Variants in ERP27 observed in about 807,000 individuals in gnomAD.
ERP27 encodes endoplasmic reticulum protein 27.
ERP27 carries 23 observed loss-of-function variants against 27.7 expected under a neutral mutation model. The observed-to-expected ratio is 0.83, with a 90% CI of 0.60 to 1.18. The LOEUF (loss-of-function observed/expected upper bound fraction) is 1.18, where lower values mean the gene tolerates loss of function less well. Ranked by LOEUF, ERP27 falls within the 50% of genes most tolerant of loss-of-function variation. The pLI, the probability that ERP27 is intolerant of heterozygous loss-of-function variation, is 0.00. For synonymous variants in ERP27, 159 were observed against 118.3 expected (o/e 1.34, Z -2.23); for missense variants, 363 against 327.9 (o/e 1.11, Z -0.83).
intron 3 of ERP27, among the ~76,000 whole-genome samples, chr12:14,927,552 T>C (rs1234399683): frequency 6.6e-6 from 1 of 152,162 alleles, no homozygotes; most frequent in East Asian, 1.9e-4. Context: ...GACTCCAACA[T>C]TTAATTTTCA....
chr12:14,928,877 A>G (rs1863653024), intron 3 of ERP27: 2 of 1,483,944 alleles, frequency 1.3e-6, no homozygotes, highest in Non-Finnish European at 1.8e-6. Flanking sequence ...GAATGAGTAA[A>G]GAAATAAAAT....
At chr12:14,920,881 C>T (rs1387792308) in intron 4 of ERP27, 51 bp downstream of exon 4, 1 of 1,441,698 alleles carries the variant, frequency 6.9e-7, no homozygotes, top group South Asian at 1.2e-5. Context: ...AAGACCAGTA[C>T]CTTCCCCGAC....
At chr12:14,924,973 T>C (rs1863576787) in intron 3 of ERP27, among the ~76,000 whole-genome samples, 1 of 152,198 alleles carries the variant, frequency 6.6e-6, no homozygotes, top group South Asian at 2.1e-4. Flanking sequence ...GCCATGGCAA[T>C]GTCAGGAAGT....
intron 3 of ERP27, among the ~76,000 whole-genome samples, chr12:14,921,567 AG>A (rs1435214064): frequency 1.3e-5 from 2 of 152,200 alleles, no homozygotes; most frequent in Non-Finnish European, 2.9e-5. Context: ...TCTGAGGGCA[AG>A]GGGGGTCATT....
intron 3 of ERP27, among the ~76,000 whole-genome samples, chr12:14,923,599 A>T (rs1863549294): frequency 6.6e-6 from 1 of 151,988 alleles, no homozygotes; most frequent in Admixed American, 6.6e-5. Flanking sequence ...AAACAGAACC[A>T]ACTATATTGC....
chr12:14,919,639 G>A (rs1034599237), intron 4 of ERP27, among the ~76,000 whole-genome samples: 9 of 152,050 alleles, frequency 5.9e-5, no homozygotes, highest in Admixed American at 5.2e-4. Flanking sequence ...GGCAGTGTAG[G>A]GCAATAGACA....
chr12:14,931,363 CAA>C (rs60215173), intron 3 of ERP27, among the ~76,000 whole-genome samples: 251 of 129,426 alleles, frequency 1.9e-3, no homozygotes, highest in Non-Finnish European at 2.4e-3. Flanking sequence ...GTTCCCTTTT[CAA>C]AAAAAAAAAA....
intron 2 of ERP27, among the ~76,000 whole-genome samples, chr12:14,936,741 C>T (rs930419844): frequency 1.3e-5 from 2 of 152,072 alleles, no homozygotes; most frequent in African/African-American, 2.4e-5. Context: ...CCTGCTTGTG[C>T]TCATTCTCTC....
At chr12:14,915,319 C>G (rs1565447851) in intron 6 of ERP27, among the ~76,000 whole-genome samples, 170 bp downstream of exon 6, 1 of 152,332 alleles carries the variant, frequency 6.6e-6, no homozygotes, top group East Asian at 1.9e-4. Flanking sequence ...ATGACAGCCA[C>G]CCTGTAGTGC....
In ERP27 at chr12:14,917,238, G is replaced by A; in HGVS notation, c.516C>T (p.Ser172=). The change falls in exon 5 of 7, where the codon TCC becomes TCT. Residue 172 remains serine (S), a synonymous_variant. Transcript: ENST00000266397. ...IHLLLIMNKA[S]PEYEENMHRY... is the part of the protein sequence containing the mutation. ...TGTGCATGTTCTCTTCATACTCTGG[G>A]GAGGCCTTGTTCATTATCAGGAGGA... The A allele has an allele frequency of 6.2e-7, 1 of 1,614,104 alleles. No individual in the cohort carries two copies. The highest frequency in any genetic ancestry group is 8.5e-7 in the Non-Finnish European group (1 of 1,180,008).
At chr12:14,924,022 A>G (rs2193359) in intron 3 of ERP27, among the ~76,000 whole-genome samples, 97,560 of 151,942 alleles carry the variant, frequency 0.64, 31,588 homozygotes, top group East Asian at 0.87. Context: ...TCCCTCTTCC[A>G]TCACCACTTC....
At chr12:14,919,118 C>A (rs570839723) in intron 4 of ERP27, among the ~76,000 whole-genome samples, 1 of 152,158 alleles carries the variant, frequency 6.6e-6, no homozygotes, top group Non-Finnish European at 1.5e-5. Flanking sequence ...TGCCCAGTTG[C>A]TACTGGTGCA....
chr12:14,923,372 AT>A (rs1393212316), intron 3 of ERP27, among the ~76,000 whole-genome samples: 7 of 151,634 alleles, frequency 4.6e-5, no homozygotes, highest in South Asian at 4.2e-4. Flanking sequence ...TATTAAAAAA[AT>A]CTCTTAATAT....
chr12:14,920,327 G>A (rs11612751), intron 4 of ERP27, among the ~76,000 whole-genome samples: 27,065 of 152,164 alleles, frequency 0.18, 2,660 homozygotes, highest in Admixed American at 0.24. Flanking sequence ...TCAAAGCATG[G>A]TTTGCAGCTG....
intron 2 of ERP27, 103 bp from the exon 3 acceptor site, chr12:14,935,096 T>C: frequency 2.0e-6 from 3 of 1,503,570 alleles, no homozygotes; most frequent in Non-Finnish European, 2.7e-6. Flanking sequence ...AAATCATAGA[T>C]TTGATTTACT....
intron 2 of ERP27, among the ~76,000 whole-genome samples, chr12:14,935,895 T>A (rs146656691): frequency 6.6e-6 from 1 of 152,250 alleles, no homozygotes; most frequent in Non-Finnish European, 1.5e-5. Context: ...ATTTTTTCTG[T>A]ATTTTTAGTA....
At chr12:14,918,214 C>G (rs747889562) in intron 4 of ERP27, among the ~76,000 whole-genome samples, 10 of 152,324 alleles carry the variant, frequency 6.6e-5, no homozygotes, top group Middle Eastern at 3.4e-3. Context: ...CAGGGATTCA[C>G]ACCAGGTGGT....
intron 3 of ERP27, 31 bp from the exon 4 acceptor site, chr12:14,921,079 A>G: frequency 1.3e-6 from 2 of 1,568,956 alleles, no homozygotes; most frequent in South Asian, 1.1e-5. Flanking sequence ...TGAAGTCACT[A>G]TTCCATCTTT....
chr12:14,937,071 C>T (rs1489830891), intron 2 of ERP27, among the ~76,000 whole-genome samples: 2 of 152,192 alleles, frequency 1.3e-5, no homozygotes, highest in Admixed American at 6.5e-5. Context: ...ATTGCACACT[C>T]CTCCAATTCC....
Sources: allele counts gnomAD v4.1 joint callset (sites outside exome capture counted in the v4.1 genomes callset), GRCh38; gene constraint gnomAD v4.1.1; transcripts MANE v1.5; gene names NCBI Gene and HGNC (gene_info 2026-07-23, HGNC 2026-07-21).